Variants in DGKI observed in about 807,000 individuals in gnomAD.
DGKI encodes DAG kinase iota.
In DGKI, 55 loss-of-function variants were observed where a neutral mutation model predicts 147.5. That is an observed-to-expected ratio of 0.37 (90% CI 0.30 to 0.47). The LOEUF is 0.47. Ranked by LOEUF, DGKI falls within the 20% of genes least tolerant of loss-of-function variation. The probability of loss-of-function intolerance (pLI) is 1.00; values close to 1 mark genes in which losing one functional copy is unlikely to be tolerated. For missense variants in DGKI, 1,007 were observed against 1,323.8 expected (o/e 0.76, Z 3.71); for synonymous variants, 469 against 477.1 (o/e 0.98, Z 0.22).
At chr7:137,607,424 G>C (rs1215811837) in intron 10 of DGKI, among the ~76,000 whole-genome samples, 1 of 152,034 alleles carries the variant, frequency 6.6e-6, no homozygotes, top group Non-Finnish European at 1.5e-5. Context: ...GATAATCTCT[G>C]AAGTCCCCGT....
At chr7:137,460,647 C>T (rs1814402055) in intron 27 of DGKI, among the ~76,000 whole-genome samples, 1 of 152,122 alleles carries the variant, frequency 6.6e-6, no homozygotes, top group South Asian at 2.1e-4. Flanking sequence ...CAAAATGTTC[C>T]AATAAGCACT....
chr7:137,543,218 GACTTT>G (rs1430694304), intron 20 of DGKI, among the ~76,000 whole-genome samples: 1 of 152,096 alleles, frequency 6.6e-6, no homozygotes, highest in African/African-American at 2.4e-5. Context: ...TTCCAATGAG[GACTTT>G]ACTTCATTAT....
chr7:137,406,585 GGTGTCTAAC>G (rs1811955536), intron 30 of DGKI, among the ~76,000 whole-genome samples: 1 of 152,064 alleles, frequency 6.6e-6, no homozygotes, highest in Non-Finnish European at 1.5e-5. Context: ...CAAAGCAAGG[GGTGTCTAAC>G]GTGATTGATA....
Position 137,444,106 on chromosome 7 carries a change from A to C in DGKI, c.2736-4T>G. Reference sequence around the variant, plus strand: ...ATCTTCTGAAGAGACTGGTGACCTAAAAGGAAATAATAAGCATGATCAATA... The same window carrying C: ...ATCTTCTGAAGAGACTGGTGACCTACAAGGAAATAATAAGCATGATCAATA... On this transcript the variant is annotated splice_region_variant and splice_polypyrimidine_tract_variant and intron_variant, in intron 27 of 32. Transcript: ENST00000614521. 1.4e-6 allele frequency: 2 copies of C among 1,478,360 alleles called. No individual in the cohort carries two copies. The highest frequency in any genetic ancestry group is 1.9e-6 in the Non-Finnish European group (2 of 1,079,870). 91.6% of individuals were successfully genotyped at this position (1,478,360 alleles called of 1,614,324 possible).
intron 1 of DGKI, among the ~76,000 whole-genome samples, chr7:137,781,963 G>A (rs1276174599): frequency 6.6e-6 from 1 of 152,196 alleles, no homozygotes; most frequent in Non-Finnish European, 1.5e-5. Flanking sequence ...AATTAAGATG[G>A]TGGATAGGAG....
intron 27 of DGKI, among the ~76,000 whole-genome samples, chr7:137,453,399 T>C (rs1814054310): frequency 6.6e-6 from 1 of 152,134 alleles, no homozygotes. Context: ...GCATCTCTAA[T>C]TAGGTAAAAT....
chr7:137,645,455 G>C lies in DGKI; in HGVS notation c.804+17C>G, dbSNP rs1206322745. Reference sequence around the variant, plus strand: ...TGGGGAGCCTCCTGCGAGGCCATGAGGTGGCTGGGCTCTTACCTTACCACA... The same window carrying C: ...TGGGGAGCCTCCTGCGAGGCCATGACGTGGCTGGGCTCTTACCTTACCACA... On this transcript the variant is annotated intron_variant, in intron 6 of 32. Transcript: ENST00000614521. 1 of 1,611,586 alleles carries C rather than the reference G, an allele frequency of 6.2e-7. No homozygotes were observed. The highest frequency in any genetic ancestry group is 1.7e-5 in the Admixed American group (1 of 59,802).
chr7:137,737,535 A>G (rs1045086522), intron 1 of DGKI, among the ~76,000 whole-genome samples: 3 of 151,682 alleles, frequency 2.0e-5, no homozygotes, highest in Admixed American at 6.6e-5. Context: ...AGTTAAGTTT[A>G]AGCAGGTGAC....
chr7:137,526,304 C>A (rs953079685), intron 20 of DGKI, among the ~76,000 whole-genome samples: 2 of 152,028 alleles, frequency 1.3e-5, no homozygotes, highest in Admixed American at 6.5e-5. Flanking sequence ...GGTTCTAAAC[C>A]CGGCTTCCAT....
chr7:137,824,974 G>A (rs1195909139), intron 1 of DGKI, among the ~76,000 whole-genome samples: 2 of 152,150 alleles, frequency 1.3e-5, no homozygotes, highest in East Asian at 1.9e-4. Context: ...GGGGATTTAG[G>A]TTGATTCCAT....
intron 21 of DGKI, among the ~76,000 whole-genome samples, chr7:137,516,750 T>C (rs1309327333): frequency 6.6e-6 from 1 of 152,072 alleles, no homozygotes; most frequent in East Asian, 1.9e-4. Context: ...CATGTAATTA[T>C]TGAAAGTATG....
At chr7:137,780,810 G>A (rs1796496136) in intron 1 of DGKI, among the ~76,000 whole-genome samples, 1 of 152,178 alleles carries the variant, frequency 6.6e-6, no homozygotes, top group Admixed American at 6.5e-5. Flanking sequence ...TTCCTTAAAA[G>A]GATCAAGAAT....
intron 1 of DGKI, chr7:137,722,856 G>T: frequency 1.0e-5 from 10 of 974,714 alleles, no homozygotes; most frequent in Non-Finnish European, 1.3e-5. Flanking sequence ...TGTTCTAAAT[G>T]TCTTAAGAAC....
At chr7:137,730,898 A>G (rs1358736785) in intron 1 of DGKI, among the ~76,000 whole-genome samples, 1 of 152,078 alleles carries the variant, frequency 6.6e-6, no homozygotes, top group African/African-American at 2.4e-5. Flanking sequence ...TATCTCACAC[A>G]AGTATCTGGA....
intron 19 of DGKI, among the ~76,000 whole-genome samples, chr7:137,564,282 A>G (rs1358781881): frequency 6.6e-6 from 1 of 152,180 alleles, no homozygotes; most frequent in Admixed American, 6.5e-5. Context: ...CTTCAAGAAG[A>G]AAATATAGGA....
intron 1 of DGKI, among the ~76,000 whole-genome samples, chr7:137,771,205 C>T (rs572705313): frequency 6.6e-6 from 1 of 152,312 alleles, no homozygotes; most frequent in East Asian, 1.9e-4. Flanking sequence ...ATTCTCCTGC[C>T]TCAGCCTCCT....
At chr7:137,675,576 T>C (rs899659927) in intron 3 of DGKI, among the ~76,000 whole-genome samples, 3 of 150,828 alleles carry the variant, frequency 2.0e-5, no homozygotes, top group Non-Finnish European at 4.4e-5. Flanking sequence ...CCCCAGCTAC[T>C]CAGGAGGCTG....
chr7:137,754,906 T>C (rs1327812312), intron 1 of DGKI, among the ~76,000 whole-genome samples: 2 of 152,196 alleles, frequency 1.3e-5, no homozygotes, highest in East Asian at 1.9e-4. Context: ...TCACACGTGA[T>C]GGAACTTTCA....
chr7:137,703,129 GA>G (rs750274067), intron 1 of DGKI, among the ~76,000 whole-genome samples: 1 of 152,176 alleles, frequency 6.6e-6, no homozygotes, highest in Non-Finnish European at 1.5e-5. Context: ...GGTTTAACAG[GA>G]AGCATGACTG....
Sources: allele counts gnomAD v4.1 joint callset (sites outside exome capture counted in the v4.1 genomes callset), GRCh38; gene constraint gnomAD v4.1.1; transcripts MANE v1.5; gene names NCBI Gene and HGNC (gene_info 2026-07-23, HGNC 2026-07-21).